The following RAD54L2 variants were observed in gnomAD, a reference collection of about 807,000 sequenced individuals.
RAD54L2 encodes helicase ARIP4.
In RAD54L2, 27 loss-of-function variants were observed where a neutral mutation model predicts 138.4. The observed-to-expected ratio is 0.20, with a 90% CI of 0.14 to 0.27. RAD54L2 has a LOEUF of 0.27. Among genes scored for constraint, RAD54L2 ranks in the 10% least tolerant of loss-of-function variants. RAD54L2 has a pLI of 1.00. For synonymous variants in RAD54L2, 644 were observed against 723.2 expected (o/e 0.89, Z 1.76); for missense variants, 1,396 against 1,890.2 (o/e 0.74, Z 4.85).
intron 3 of RAD54L2, among the ~76,000 whole-genome samples, chr3:51,592,054 G>GTTTTTTTTTTTTTTTTTTTTTTTTTTTT (rs71084151): frequency 1.5e-5 from 1 of 66,824 alleles, no homozygotes. Flanking sequence ...TGGTTTTGGT[G>GTTTTTTTTTTTTTTTTTTTTTTTTTTTT]TTTTTTTTTT....
intron 2 of RAD54L2, among the ~76,000 whole-genome samples, chr3:51,582,587 C>CTT (rs60539114): frequency 2.5e-4 from 35 of 142,478 alleles, no homozygotes; most frequent in African/African-American, 7.7e-4. Flanking sequence ...ACAACTCTGC[C>CTT]TTTTTTTTTT....
At chr3:51,660,002 T>C (rs772005718) in intron 21 of RAD54L2, 24 bp from the exon 22 acceptor site, 7 of 1,551,610 alleles carry the variant, frequency 4.5e-6, no homozygotes, top group Non-Finnish European at 5.3e-6. Context: ...TGCCTCTAAC[T>C]GTCTTCTTCG....
At position 51,663,683 on chromosome 3, in the gene RAD54L2, C is replaced by T. The variant is rs184512925; in HGVS notation, c.*263C>T. 1.2e-4 allele frequency: 56 copies of T among 455,986 alleles called. No homozygotes were observed. The East Asian group carries it at 1.8e-3, about 14-fold the overall frequency. The allele number at this position is 455,986 out of a possible 1,614,324, so 28.2% of individuals were successfully genotyped here. On this transcript the variant is annotated 3_prime_UTR_variant, in exon 23 of 23. Transcript: ENST00000684192. ...AACAGGGATGGAGGGGCAGTGCAGC[C>T]TCTTTTCCTTCCTGCCTTGCTTATG... is the stretch of plus-strand genomic sequence containing the variant.
intron 19 of RAD54L2, among the ~76,000 whole-genome samples, chr3:51,649,668 C>T (rs1456112233): frequency 1.3e-5 from 2 of 152,152 alleles, no homozygotes; most frequent in Non-Finnish European, 1.5e-5. Context: ...AAAGAATTTT[C>T]AACCCAGAAT....
At chr3:51,569,385 C>G (rs1009671331) in intron 2 of RAD54L2, among the ~76,000 whole-genome samples, 1 of 151,468 alleles carries the variant, frequency 6.6e-6, no homozygotes, top group African/African-American at 2.4e-5. Flanking sequence ...TTTGTTGATT[C>G]TATTTTTTTT....
intron 3 of RAD54L2, among the ~76,000 whole-genome samples, chr3:51,609,324 AG>A (rs1324665642): frequency 6.6e-6 from 1 of 152,194 alleles, no homozygotes; most frequent in Non-Finnish European, 1.5e-5. Context: ...TATTTTGCCA[AG>A]GCATGGCTTA....
chr3:51,614,952 A>G (rs970359658), intron 3 of RAD54L2, among the ~76,000 whole-genome samples: 3 of 151,192 alleles, frequency 2.0e-5, no homozygotes, highest in African/African-American at 7.3e-5. Context: ...CTTCATGACT[A>G]TTTCAAAGGT....
intron 3 of RAD54L2, among the ~76,000 whole-genome samples, chr3:51,606,164 C>G (rs1700176068): frequency 6.6e-6 from 1 of 152,124 alleles, no homozygotes; most frequent in African/African-American, 2.4e-5. Context: ...TCAAAAGAAC[C>G]TTTAAGCATT....
At chr3:51,582,583 C>A (rs1384188226) in intron 2 of RAD54L2, among the ~76,000 whole-genome samples, 2 of 150,686 alleles carry the variant, frequency 1.3e-5, no homozygotes, top group African/African-American at 4.9e-5. Context: ...CCCCACAACT[C>A]TGCCTTTTTT....
intron 3 of RAD54L2, among the ~76,000 whole-genome samples, chr3:51,625,833 G>T (rs1389070731): frequency 1.3e-5 from 2 of 152,070 alleles, no homozygotes; most frequent in African/African-American, 4.8e-5. Flanking sequence ...CTGTACTGCA[G>T]CCTGGGCATC....
chr3:51,540,538 A>C lies in RAD54L2; in HGVS notation c.-116-1051A>C, dbSNP rs550051049. ...AGGCAAAAGTTGGTGTGTTGTCTGT[A>C]GGTGAGGTTTAAAGGGAACCCTACA... On this transcript the variant is annotated intron_variant, in intron 1 of 22. Transcript: ENST00000684192. Among the ~76,000 whole-genome samples, 7 of 152,320 alleles carry C rather than the reference A, an allele frequency of 4.6e-5. No individual in the cohort carries two copies. In the South Asian group the frequency reaches 1.5e-3, roughly 32 times the overall value.
At chr3:51,621,245 C>G (rs549897959) in intron 3 of RAD54L2, among the ~76,000 whole-genome samples, 47 of 152,066 alleles carry the variant, frequency 3.1e-4, no homozygotes, top group Non-Finnish European at 6.3e-4. Context: ...AAACTAAATT[C>G]CTTTAATAAG....
In RAD54L2 at chr3:51,562,979, C is replaced by T. The variant is rs142734756; in HGVS notation, c.-55+21329C>T. Among the ~76,000 whole-genome samples, 15 of 152,294 alleles carry T rather than the reference C, an allele frequency of 9.8e-5. 1 individual carries two copies. In the East Asian group the frequency reaches 2.5e-3, roughly 25 times the overall value. On this transcript the variant is annotated intron_variant, in intron 2 of 22. Coordinates refer to ENST00000684192, the MANE Select transcript of RAD54L2 (RefSeq NM_015106.4). ...TTGAAGTCATTCCCAGGCAATACCT[C>T]TGCCTACCCCATTCCCTGGACATTA...
intron 19 of RAD54L2, among the ~76,000 whole-genome samples, chr3:51,653,878 ATACGTAACAACCC>A (rs1348634811): frequency 6.6e-6 from 1 of 152,160 alleles, no homozygotes; most frequent in Non-Finnish European, 1.5e-5. Context: ...ACATGTATAC[ATACGTAACAACCC>A]TACACGTTGT....
chr3:51,637,025 A>C lies in RAD54L2; in HGVS notation c.1340-136A>C. The C allele has an allele frequency of 1.3e-6, 1 of 761,144 alleles. No individual in the cohort carries two copies. The highest frequency in any genetic ancestry group is 2.2e-6 in the Non-Finnish European group (1 of 460,490). The allele number at this position is 761,144 out of a possible 1,614,324, so 47.1% of individuals were successfully genotyped here. A position where few individuals can be genotyped will look rare whatever the true frequency, so the allele number is the denominator to read the frequency against. ...GAGCTTGAATGGCTGGCACCCTCTC[A>C]CCAAGGGGGGCTGACTCTTGCTTTC... On this transcript the variant is annotated intron_variant, in intron 10 of 22. Transcript: ENST00000684192. The surrounding 1 kb of genome is among the most constrained non-coding windows in gnomAD (Gnocchi z 5.9).
At chr3:51,658,589 A>G (rs1244408212) in intron 21 of RAD54L2, among the ~76,000 whole-genome samples, 1 of 152,156 alleles carries the variant, frequency 6.6e-6, no homozygotes, top group Non-Finnish European at 1.5e-5. Flanking sequence ...CCTGTTTTAC[A>G]TATTAGCCTT....
At chr3:51,589,940 G>A (rs557283330) in intron 2 of RAD54L2, among the ~76,000 whole-genome samples, 2 of 152,180 alleles carry the variant, frequency 1.3e-5, no homozygotes, top group East Asian at 1.9e-4. Flanking sequence ...ATTTGGATAC[G>A]GTTAGCTTGC....
Position 51,663,483 on chromosome 3 carries a change from A to G in RAD54L2, c.*63A>G. ...CAGGTTGCCCACCAAGCTGAAAGGC[A>G]GTGATTTAGACCTTTTGAGAATAGG... On this transcript the variant is annotated 3_prime_UTR_variant, in exon 23 of 23. Transcript: ENST00000684192. The G allele has an allele frequency of 6.6e-7, 1 of 1,519,770 alleles. No homozygotes were observed. Among genetic ancestry groups the G allele is most frequent in the East Asian group, 2.3e-5 (1 of 43,220 alleles). 94.1% of individuals were successfully genotyped at this position (1,519,770 alleles called of 1,614,324 possible).
chr3:51,579,899 T>G (rs1235778015), intron 2 of RAD54L2, among the ~76,000 whole-genome samples: 1 of 152,204 alleles, frequency 6.6e-6, no homozygotes, highest in Non-Finnish European at 1.5e-5. Flanking sequence ...TTTACCCTTA[T>G]TTGCCACTTA....
Sources: gnomAD v4.1 joint callset for allele counts (sites outside exome capture counted in the v4.1 genomes callset) on GRCh38, gnomAD v4.1.1 for gene constraint, Gnocchi (gnomAD v3.1) non-coding constraint, MANE v1.5 for transcripts, NCBI Gene and HGNC (gene_info 2026-07-23, HGNC 2026-07-21) for gene names.